The following SPIDR variants were observed in gnomAD, a reference collection of about 807,000 sequenced individuals.
SPIDR encodes DNA repair-scaffolding protein.
Under a neutral mutation model 104.6 loss-of-function variants are expected in SPIDR, and 93 were observed. The observed-to-expected ratio is 0.89, with a 90% confidence interval of 0.75 to 1.06. The LOEUF is 1.06. Among genes scored for constraint, SPIDR ranks in the 50% least tolerant of loss-of-function variants. The probability of loss-of-function intolerance (pLI) is 0.00; values close to 1 mark genes in which losing one functional copy is unlikely to be tolerated. For missense variants in SPIDR, 1,154 were observed against 1,111.2 expected, an observed-to-expected ratio of 1.04 and a Z score of -0.55; for synonymous variants, 431 against 416.9, an observed-to-expected ratio of 1.03 and a Z score of -0.41.
intron 5 of SPIDR, among the ~76,000 whole-genome samples, chr8:47,342,589 G>A (rs1255809281): frequency 2.6e-5 from 4 of 151,978 alleles, no homozygotes; most frequent in Non-Finnish European, 2.9e-5. Context: ...CACCTGCCTC[G>A]TCCTCCCGAA....
intron 10 of SPIDR, among the ~76,000 whole-genome samples, chr8:47,613,246 C>A (rs998391520): frequency 3.3e-5 from 5 of 152,204 alleles, no homozygotes; most frequent in African/African-American, 1.2e-4. Flanking sequence ...AGAATGATAA[C>A]AGCATCTGAC....
At chr8:47,728,452 GA>G (rs981107053) in intron 17 of SPIDR, among the ~76,000 whole-genome samples, 6 of 146,634 alleles carry the variant, frequency 4.1e-5, no homozygotes, top group Non-Finnish European at 7.5e-5. Flanking sequence ...CAAAGAAAAG[GA>G]AAAAAAAAAC....
At chr8:47,557,339 G>A (rs879493301) in intron 8 of SPIDR, among the ~76,000 whole-genome samples, 12 of 152,134 alleles carry the variant, frequency 7.9e-5, no homozygotes, top group African/African-American at 2.2e-4. Flanking sequence ...AGGAACCTAC[G>A]TCTTGATGCT....
At chr8:47,452,457 T>C (rs538235723) in intron 8 of SPIDR, among the ~76,000 whole-genome samples, 1 of 152,164 alleles carries the variant, frequency 6.6e-6, no homozygotes, top group East Asian at 1.9e-4. Flanking sequence ...AATGCAGAAA[T>C]CCTGAATCAA....
chr8:47,732,158 A>G, intron 19 of SPIDR: 1 of 702,554 alleles, frequency 1.4e-6, no homozygotes, highest in South Asian at 1.5e-5. Context: ...CCTGGCAGAA[A>G]TCCTCCTTCC....
At chr8:47,300,937 G>C (rs2041972788) in intron 5 of SPIDR, among the ~76,000 whole-genome samples, 1 of 152,172 alleles carries the variant, frequency 6.6e-6, no homozygotes, top group Admixed American at 6.5e-5. Flanking sequence ...ATTGGGGGTG[G>C]AGAGTTCTGT....
intron 5 of SPIDR, among the ~76,000 whole-genome samples, chr8:47,341,164 A>G (rs2050691461): frequency 6.6e-6 from 1 of 152,202 alleles, no homozygotes; most frequent in Non-Finnish European, 1.5e-5. Context: ...TTAATGTCAG[A>G]ATTGAATTGC....
At position 47,599,137 on chromosome 8, in the gene SPIDR, A is replaced by G; in HGVS notation, c.1485A>G (p.Arg495=). 1 of 1,613,708 alleles carries G rather than the reference A, an allele frequency of 6.2e-7. No homozygotes were observed. Among genetic ancestry groups the G allele is most frequent in the Non-Finnish European group, 8.5e-7 (1 of 1,179,894 alleles). Residue 495 remains arginine (R), a synonymous_variant, in exon 10 of 20, where the codon AGA becomes AGG. Coordinates refer to ENST00000297423, the MANE Select transcript of SPIDR (RefSeq NM_001080394.4). Reference sequence around the variant, plus strand: ...AAAGAGTGTATTCTCTTCCCAGCAGAGACAGCACCAGGGGTCAGCAGGGGG... The same window carrying G: ...AAAGAGTGTATTCTCTTCCCAGCAGGGACAGCACCAGGGGTCAGCAGGGGG... ...VVQRVYSLPS[R]DSTRGQQGAS...
intron 5 of SPIDR, among the ~76,000 whole-genome samples, chr8:47,371,262 G>T (rs1809319131): frequency 6.6e-6 from 1 of 151,240 alleles, no homozygotes; most frequent in South Asian, 2.1e-4. Context: ...AAAGAAGTTT[G>T]AAAAAAAATT....
chr8:47,414,909 G>GT (rs1470602712), intron 7 of SPIDR, among the ~76,000 whole-genome samples: 2 of 151,512 alleles, frequency 1.3e-5, no homozygotes, highest in East Asian at 1.9e-4. Flanking sequence ...GTTTTGTTTT[G>GT]TTTTTTTTCT....
At chr8:47,356,664 C>T (rs1160526194) in intron 5 of SPIDR, among the ~76,000 whole-genome samples, 2 of 152,174 alleles carry the variant, frequency 1.3e-5, no homozygotes, top group African/African-American at 2.4e-5. Flanking sequence ...GATTGTATAA[C>T]TTATATTTCC....
At chr8:47,622,604 G>A (rs960271820) in intron 10 of SPIDR, among the ~76,000 whole-genome samples, 1 of 152,134 alleles carries the variant, frequency 6.6e-6, no homozygotes, top group Non-Finnish European at 1.5e-5. Flanking sequence ...GGCGTCCCAG[G>A]AGGATGGGGG....
intron 8 of SPIDR, chr8:47,547,089 T>C: frequency 1.8e-6 from 1 of 549,608 alleles, no homozygotes; most frequent in Non-Finnish European, 3.6e-6. Context: ...ATCAGTGATC[T>C]TGCCAGTTTC....
intron 6 of SPIDR, among the ~76,000 whole-genome samples, chr8:47,401,703 A>G (rs1293458182): frequency 6.6e-6 from 1 of 152,220 alleles, no homozygotes; most frequent in African/African-American, 2.4e-5. Context: ...GATAAAACAG[A>G]CTTTAAGCCA....
At chr8:47,436,875 A>G (rs532405411) in intron 7 of SPIDR, among the ~76,000 whole-genome samples, 2 of 152,308 alleles carry the variant, frequency 1.3e-5, no homozygotes, top group East Asian at 1.9e-4. Flanking sequence ...GAGCTTTAGA[A>G]TGCTCAGTGT....
intron 8 of SPIDR, among the ~76,000 whole-genome samples, chr8:47,490,278 C>G (rs2078460301): frequency 6.6e-6 from 1 of 152,086 alleles, no homozygotes; most frequent in Non-Finnish European, 1.5e-5. Flanking sequence ...CAGAGAAATG[C>G]AAATCAAAAC....
chr8:47,490,558 G>T (rs1375113559), intron 8 of SPIDR, among the ~76,000 whole-genome samples: 2 of 152,212 alleles, frequency 1.3e-5, no homozygotes, highest in Non-Finnish European at 2.9e-5. Flanking sequence ...TACGTTTATT[G>T]TGGCACTATT....
At chr8:47,302,684 G>A (rs1040962051) in intron 5 of SPIDR, among the ~76,000 whole-genome samples, 2 of 152,216 alleles carry the variant, frequency 1.3e-5, no homozygotes, top group African/African-American at 2.4e-5. Context: ...TCAGCTGCAG[G>A]TCTGTTGGAG....
chr8:47,709,406 C>T (rs1433062234), intron 14 of SPIDR, among the ~76,000 whole-genome samples: 1 of 152,242 alleles, frequency 6.6e-6, no homozygotes, highest in African/African-American at 2.4e-5. Flanking sequence ...TCCCAAAGTG[C>T]TGGGATTACA....
Sources: allele counts gnomAD v4.1 joint callset (sites outside exome capture counted in the v4.1 genomes callset), GRCh38; gene constraint gnomAD v4.1.1; transcripts MANE v1.5; gene names NCBI Gene and HGNC (gene_info 2026-07-23, HGNC 2026-07-21).